STRADA: variants seen among roughly 807,000 people sequenced by gnomAD.
STRADA encodes STE20-related kinase adapter protein alpha.
STRADA carries 26 observed loss-of-function variants against 55.0 expected under a neutral mutation model. That is an observed-to-expected ratio of 0.47 (90% CI 0.35 to 0.66). STRADA has a LOEUF of 0.66. STRADA is among the 30% of genes least tolerant of loss of function. STRADA has a pLI of 0.01. For missense variants in STRADA, 443 were observed against 549.7 expected (o/e 0.81, Z 1.94); for synonymous variants, 197 against 210.9 (o/e 0.93, Z 0.57).
chr17:63,731,164 G>A (rs1472938091), intron 1 of STRADA, among the ~76,000 whole-genome samples: 3 of 151,394 alleles, frequency 2.0e-5, no homozygotes, highest in Non-Finnish European at 4.4e-5. Flanking sequence ...GGATGGTCTC[G>A]ATCTCCTGAC....
intron 1 of STRADA, among the ~76,000 whole-genome samples, chr17:63,736,807 G>C (rs545806689): frequency 6.7e-6 from 1 of 150,100 alleles, no homozygotes; most frequent in East Asian, 2.0e-4. Flanking sequence ...ATCACGGACA[G>C]GGTGGAAAGT....
intron 4 of STRADA, among the ~76,000 whole-genome samples, chr17:63,721,668 C>T (rs1354017872): frequency 2.3e-4 from 35 of 150,442 alleles, no homozygotes; most frequent in African/African-American, 7.8e-4. Flanking sequence ...AAGCCGAGAT[C>T]GCACCACTGC....
chr17:63,728,735 TAAAAAAAAAAAA>T (rs36091754), intron 1 of STRADA, among the ~76,000 whole-genome samples: 1 of 112,436 alleles, frequency 8.9e-6, no homozygotes, highest in Non-Finnish European at 1.8e-5. Flanking sequence ...CCCATCTCTA[TAAAAAAAAAAAA>T]AAAAAAAAAA....
intron 1 of STRADA, among the ~76,000 whole-genome samples, chr17:63,735,217 A>G (rs1331695213): frequency 1.3e-5 from 2 of 152,238 alleles, no homozygotes; most frequent in Non-Finnish European, 2.9e-5. Context: ...AGAATAATCA[A>G]TAAGGTTAAA....
intron 9 of STRADA, 149 bp from the exon 10 acceptor site, chr17:63,706,888 G>T: frequency 4.6e-6 from 3 of 652,164 alleles, no homozygotes; most frequent in Non-Finnish European, 5.4e-6. Flanking sequence ...AAGACTAACT[G>T]GTATTTTACC....
rs2035836660 is a variant in STRADA at position 63,703,174 on chromosome 17, T to G, written c.*425A>C. The G allele has an allele frequency of 6.1e-6, 1 of 164,424 alleles. No homozygotes were observed. Among genetic ancestry groups the G allele is most frequent in the African/African-American group, 2.4e-5 (1 of 41,580 alleles). The allele number at this position is 164,424 out of a possible 1,614,324, so 10.2% of individuals were successfully genotyped here. A position where few individuals can be genotyped will look rare whatever the true frequency, so the allele number is the denominator to read the frequency against. ...GGCAGCTTACTACTTGCCCTTTCAC[T>G]GACCTATAGCATCTGAGGCATCTGA... is the stretch of plus-strand genomic sequence containing the variant. On this transcript the variant is annotated 3_prime_UTR_variant, in exon 13 of 13. Transcript: ENST00000336174.
chr17:63,727,012 C>T (rs1473389799), intron 2 of STRADA: 1 of 320,222 alleles, frequency 3.1e-6, no homozygotes, highest in Non-Finnish European at 5.7e-6. Flanking sequence ...ATTACAGATG[C>T]CTTGGATCAC....
chr17:63,710,332 G>T, intron 8 of STRADA, 159 bp downstream of exon 8: 2 of 1,269,764 alleles, frequency 1.6e-6, no homozygotes, highest in Admixed American at 2.4e-5. Flanking sequence ...CATCGCGCTG[G>T]GCCCTGTTTC....
At chr17:63,715,484 T>A (rs909407521) in intron 4 of STRADA, 1 of 152,240 alleles carries the variant, frequency 6.6e-6, no homozygotes, top group Non-Finnish European at 1.5e-5. Flanking sequence ...ATATGGGTTA[T>A]CTCTTTGTCG....
In STRADA at chr17:63,704,449, G is replaced by T. The variant is rs539671529; in HGVS notation, c.992C>A (p.Thr331Asn). ...CGAGTCACCGTTGGAGGGCCGGGGG[G>T]TGCTGGTGGTCAGGCTGTCACTCAG... Reference protein sequence around the residue: ...SGLSDSLTTSTPRPSNGDSPS... With the variant: ...SGLSDSLTTSNPRPSNGDSPS... The change falls in exon 11 of 13, where the codon ACC becomes AAC. Residue 331 changes from threonine (T) to asparagine (N), a missense_variant. Transcript: ENST00000336174. 105 of 1,612,996 alleles carry T rather than the reference G, an allele frequency of 6.5e-5. No homozygotes were observed. The South Asian group carries it at 9.4e-4, about 15-fold the overall frequency.
chr17:63,710,097 T>A (rs1314084940), intron 8 of STRADA, among the ~76,000 whole-genome samples: 5 of 150,288 alleles, frequency 3.3e-5, no homozygotes, highest in Non-Finnish European at 7.4e-5. Context: ...TGCAGTGGTG[T>A]GATCTCCAGT....
intron 4 of STRADA, among the ~76,000 whole-genome samples, chr17:63,721,179 C>T (rs1026065555): frequency 3.3e-5 from 5 of 151,770 alleles, no homozygotes; most frequent in Non-Finnish European, 7.4e-5. Context: ...CGAGACCATC[C>T]TGGACAACAT....
Position 63,704,355 on chromosome 17 carries a change from G to C in STRADA, c.1086C>G (p.Arg362=), listed in dbSNP as rs1188705287. Residue 362 remains arginine, a synonymous_variant, in exon 11 of 13, where the codon CGC becomes CGG. Transcript: ENST00000336174. ...AGCAGGGATACCTGGCATCCGGGTT[G>C]CGCTGAAGGCACTGCTCCACAAAGT... is the stretch of plus-strand genomic sequence containing the variant. ...FHHFVEQCLQ[R]NPDARPSAST... is the part of the protein sequence containing the mutation. 1 of 1,612,758 alleles carries C rather than the reference G, an allele frequency of 6.2e-7. No individual in the cohort carries two copies. Among genetic ancestry groups the C allele is most frequent in the Non-Finnish European group, 8.5e-7 (1 of 1,179,674 alleles).
intron 6 of STRADA, among the ~76,000 whole-genome samples, chr17:63,711,843 T>C (rs2036520767): frequency 6.6e-6 from 1 of 151,852 alleles, no homozygotes; most frequent in Non-Finnish European, 1.5e-5. Context: ...GCTTAAGTGG[T>C]AGAATCACCT....
chr17:63,721,815 T>C (rs1451141612), intron 4 of STRADA, among the ~76,000 whole-genome samples: 1 of 152,154 alleles, frequency 6.6e-6, no homozygotes, highest in Non-Finnish European at 1.5e-5. Context: ...AGTCCAGTGA[T>C]AGCAACTGCT....
Position 63,714,002 on chromosome 17 carries a change from A to G in STRADA, c.226+4T>C. Reference sequence around the variant, plus strand: ...AGGAGAGTAAGGACGGCCCCTGCACATACCTATCACAGTGAGCAGCTCGTA... The same window carrying G: ...AGGAGAGTAAGGACGGCCCCTGCACGTACCTATCACAGTGAGCAGCTCGTA... On this transcript the variant is annotated splice_donor_region_variant and intron_variant, in intron 5 of 12. Transcript: ENST00000336174. 1 of 1,613,078 alleles carries G rather than the reference A, an allele frequency of 6.2e-7. No individual in the cohort carries two copies. Among genetic ancestry groups the G allele is most frequent in the Non-Finnish European group, 8.5e-7 (1 of 1,179,096 alleles).
intron 4 of STRADA, among the ~76,000 whole-genome samples, chr17:63,717,454 C>G (rs527928548): frequency 6.6e-6 from 1 of 152,022 alleles, no homozygotes; most frequent in Non-Finnish European, 1.5e-5. Flanking sequence ...ACTACAGGTG[C>G]GAACCACCAT....
intron 1 of STRADA, among the ~76,000 whole-genome samples, chr17:63,734,593 C>T (rs1184835626): frequency 4.0e-5 from 6 of 151,748 alleles, no homozygotes; most frequent in Admixed American, 2.0e-4. Flanking sequence ...GCCGAGATTG[C>T]GCCACTGCAC....
intron 6 of STRADA, among the ~76,000 whole-genome samples, chr17:63,712,965 C>A (rs1427998378): frequency 1.4e-5 from 2 of 146,670 alleles, no homozygotes; most frequent in African/African-American, 2.5e-5. Context: ...CGTGCCACTG[C>A]ACTCCAGCCT....
Sources: allele counts gnomAD v4.1 joint callset (sites outside exome capture counted in the v4.1 genomes callset), GRCh38; gene constraint gnomAD v4.1.1; transcripts MANE v1.5; gene names NCBI Gene and HGNC (gene_info 2026-07-23, HGNC 2026-07-21).